Variants in ZRANB3 observed in about 807,000 individuals in gnomAD.
ZRANB3 encodes the protein DNA annealing helicase and endonuclease ZRANB3.
A neutral mutation model predicts 133.8 loss-of-function variants in ZRANB3; 125 were observed. The ratio of observed to expected loss-of-function variants is 0.93; its 90% CI spans 0.81 to 1.08. ZRANB3 has a LOEUF of 1.08. ZRANB3 is among the 50% of genes least tolerant of loss of function. The pLI, the probability that ZRANB3 is intolerant of heterozygous loss-of-function variation, is 0.00. For synonymous variants in ZRANB3, 387 were observed against 432.7 expected (o/e 0.89, Z 1.31); for missense variants, 1,229 against 1,275.5 (o/e 0.96, Z 0.56).
chr2:135,356,658 A>T (rs6737390), intron 3 of ZRANB3, among the ~76,000 whole-genome samples: 16,010 of 152,228 alleles, frequency 0.11, 1,111 homozygotes, highest in South Asian at 0.32. Flanking sequence ...TAAAATGTCC[A>T]TTAGAATCTG....
At chr2:135,512,301 T>C (rs1693500739) in intron 1 of ZRANB3, among the ~76,000 whole-genome samples, 2 of 152,226 alleles carry the variant, frequency 1.3e-5, no homozygotes, top group African/African-American at 4.8e-5. Flanking sequence ...TGGAATTCAC[T>C]GACTCATTTA....
intron 19 of ZRANB3, among the ~76,000 whole-genome samples, chr2:135,206,298 G>A (rs1693854613): frequency 6.6e-6 from 1 of 151,210 alleles, no homozygotes; most frequent in African/African-American, 2.4e-5. Context: ...GGAGTGCAGT[G>A]GCATGATCTT....
At chr2:135,443,819 A>G (rs1195938711) in intron 2 of ZRANB3, among the ~76,000 whole-genome samples, 8 of 152,246 alleles carry the variant, frequency 5.3e-5, no homozygotes, top group Non-Finnish European at 1.0e-4. Context: ...GCAATGTAAT[A>G]TCCTGTATTG....
At position 135,210,965 on chromosome 2, in the gene ZRANB3, G is replaced by C. The variant is rs995836682; in HGVS notation, c.2496-1987C>G. The stretch of plus-strand genomic sequence containing the variant: ...AACCGCTTGAACCAGGAAGATGGAG[G>C]GTGCAGTGAACTGAGATTGCGCCAC... On this transcript the variant is annotated intron_variant, in intron 17 of 20. Transcript: ENST00000264159. Among the ~76,000 whole-genome samples, 4 of 151,868 alleles carry C rather than the reference G, an allele frequency of 2.6e-5. No individual in the cohort carries two copies. The South Asian group carries it at 8.3e-4, about 32-fold the overall frequency.
rs548844025 is a variant in ZRANB3 at position 135,481,460 on chromosome 2, C to T, written c.161+22869G>A. ...ATCCTTTGCCCACTTTTTGATGGGG[C>T]TGTTTGTTTTTTTCTTGTAAATTTG... On this transcript the variant is annotated intron_variant, in intron 2 of 20. Transcript: ENST00000264159. Among the ~76,000 whole-genome samples, 537 of 151,990 alleles carry T rather than the reference C, an allele frequency of 3.5e-3. 2 individuals carry two copies. The highest frequency in any genetic ancestry group is 5.7e-3 in the Admixed American group (87 of 15,248).
At chr2:135,529,102 T>C (rs777872715) in intron 1 of ZRANB3, among the ~76,000 whole-genome samples, 2 of 152,212 alleles carry the variant, frequency 1.3e-5, no homozygotes, top group Non-Finnish European at 2.9e-5. Flanking sequence ...TAGTACCCAA[T>C]ACAGTGTTAA....
At chr2:135,511,676 C>T (rs1443837296) in intron 1 of ZRANB3, 2 of 768,128 alleles carry the variant, frequency 2.6e-6, no homozygotes, top group Non-Finnish European at 4.9e-6. Context: ...TGGACTACCA[C>T]ACCATCATTT....
At chr2:135,358,993 C>T (rs982002894) in intron 3 of ZRANB3, among the ~76,000 whole-genome samples, 3 of 151,486 alleles carry the variant, frequency 2.0e-5, no homozygotes, top group African/African-American at 4.9e-5. Flanking sequence ...TTTTTCAAGT[C>T]ATTTTTATAT....
At chr2:135,215,848 C>G (rs1025561446) in intron 17 of ZRANB3, among the ~76,000 whole-genome samples, 6 of 152,104 alleles carry the variant, frequency 3.9e-5, no homozygotes, top group African/African-American at 9.7e-5. Flanking sequence ...ATCCTGTTCA[C>G]TGTAGGATTC....
At chr2:135,521,006 A>C (rs762969928) in intron 1 of ZRANB3, among the ~76,000 whole-genome samples, 2 of 152,212 alleles carry the variant, frequency 1.3e-5, no homozygotes, top group African/African-American at 2.4e-5. Context: ...TCTGCAAACC[A>C]CTACACTAGG....
chr2:135,258,399 G>A (rs1013045265), intron 12 of ZRANB3, among the ~76,000 whole-genome samples: 1 of 152,172 alleles, frequency 6.6e-6, no homozygotes. Flanking sequence ...CAGGAAGGAG[G>A]AGCCTGCCCT....
At chr2:135,285,185 T>G (rs553002759) in intron 8 of ZRANB3, among the ~76,000 whole-genome samples, 1 of 152,286 alleles carries the variant, frequency 6.6e-6, no homozygotes, top group African/African-American at 2.4e-5. Flanking sequence ...ACTCCTCTAT[T>G]TGTGATTCCA....
chr2:135,331,325 T>C (rs1684128501), intron 6 of ZRANB3, among the ~76,000 whole-genome samples: 1 of 152,196 alleles, frequency 6.6e-6, no homozygotes, highest in Non-Finnish European at 1.5e-5. Context: ...ATTTACCCAC[T>C]AGTCATTCAG....
intron 2 of ZRANB3, among the ~76,000 whole-genome samples, chr2:135,429,467 T>C (rs1318120957): frequency 6.6e-6 from 1 of 152,102 alleles, no homozygotes; most frequent in Non-Finnish European, 1.5e-5. Context: ...CATACCCCCA[T>C]GGCACACAAT....
At chr2:135,450,739 T>C (rs1352709323) in intron 2 of ZRANB3, among the ~76,000 whole-genome samples, 1 of 152,188 alleles carries the variant, frequency 6.6e-6, no homozygotes, top group East Asian at 1.9e-4. Flanking sequence ...CGTTAGCCTA[T>C]GAAAGCCAAA....
At chr2:135,210,847 G>A (rs1694067494) in intron 17 of ZRANB3, among the ~76,000 whole-genome samples, 1 of 152,064 alleles carries the variant, frequency 6.6e-6, no homozygotes, top group African/African-American at 2.4e-5. Context: ...ACATTCACAT[G>A]GTGAAACCCT....
intron 2 of ZRANB3, among the ~76,000 whole-genome samples, chr2:135,427,495 C>A (rs1054518995): frequency 6.6e-6 from 1 of 152,126 alleles, no homozygotes; most frequent in Non-Finnish European, 1.5e-5. Flanking sequence ...CCTAGGAATA[C>A]AGCTAACAAG....
intron 2 of ZRANB3, among the ~76,000 whole-genome samples, chr2:135,407,462 G>A (rs1166493859): frequency 6.7e-6 from 1 of 149,862 alleles, no homozygotes; most frequent in Non-Finnish European, 1.5e-5. Flanking sequence ...CACAGAATTG[G>A]AAAAAACTAC....
chr2:135,231,541 C>A (rs1695014763), intron 12 of ZRANB3, among the ~76,000 whole-genome samples: 1 of 152,146 alleles, frequency 6.6e-6, no homozygotes, highest in South Asian at 2.1e-4. Flanking sequence ...GGCAGGACTG[C>A]CTGAGCCCAG....
Sources: gnomAD v4.1 joint callset for allele counts (sites outside exome capture counted in the v4.1 genomes callset) on GRCh38, gnomAD v4.1.1 for gene constraint, MANE v1.5 for transcripts, NCBI Gene and HGNC (gene_info 2026-07-23, HGNC 2026-07-21) for gene names.